The following CCSER1 variants were observed in gnomAD, a reference collection of about 807,000 sequenced individuals.
The protein encoded by CCSER1 is serine-rich coiled-coil domain-containing protein 1.
Under a neutral mutation model 82.0 loss-of-function variants are expected in CCSER1, and 41 were observed. That is an observed-to-expected ratio of 0.50 (90% CI 0.39 to 0.65). CCSER1 has a LOEUF of 0.65. Among genes scored for constraint, CCSER1 ranks in the 30% least tolerant of loss-of-function variants. The pLI is 0.00. For synonymous variants in CCSER1, 414 were observed against 383.9 expected, an observed-to-expected ratio of 1.08 and a Z score of -0.92; for missense variants, 1,119 against 1,064.2, an observed-to-expected ratio of 1.05 and a Z score of -0.72.
chr4:90,310,660 G>A (rs1017456064), intron 2 of CCSER1, among the ~76,000 whole-genome samples: 1 of 152,050 alleles, frequency 6.6e-6, no homozygotes, highest in Non-Finnish European at 1.5e-5. Flanking sequence ...TGTGAAAACA[G>A]GCTAAAGAAT....
chr4:90,657,418 G>C (rs1729896893), intron 6 of CCSER1, among the ~76,000 whole-genome samples: 1 of 152,030 alleles, frequency 6.6e-6, no homozygotes, highest in Non-Finnish European at 1.5e-5. Flanking sequence ...ATTTACATCT[G>C]TGGCTAGTTT....
At chr4:91,162,299 T>C (rs1041841937) in intron 10 of CCSER1, among the ~76,000 whole-genome samples, 1 of 152,250 alleles carries the variant, frequency 6.6e-6, no homozygotes, top group Admixed American at 6.5e-5. Context: ...TAGTGGTGGA[T>C]AAGCTTTTAG....
intron 1 of CCSER1, among the ~76,000 whole-genome samples, chr4:90,240,130 G>A (rs1041293146): frequency 6.6e-6 from 1 of 152,106 alleles, no homozygotes. Flanking sequence ...ATCCAGAGAT[G>A]GCCCATAGTC....
chr4:90,916,471 C>T (rs1218262258), intron 8 of CCSER1, among the ~76,000 whole-genome samples: 2 of 152,036 alleles, frequency 1.3e-5, no homozygotes, highest in Admixed American at 1.3e-4. Context: ...ATGGAGAAAG[C>T]TGAAACTGGA....
At chr4:90,974,375 AACATT>A (rs1735407646) in intron 9 of CCSER1, among the ~76,000 whole-genome samples, 1 of 149,598 alleles carries the variant, frequency 6.7e-6, no homozygotes, top group Admixed American at 6.7e-5. Context: ...CATATCTCAA[AACATT>A]ACATTATAAA....
At chr4:91,044,021 T>A (rs988274560) in intron 9 of CCSER1, among the ~76,000 whole-genome samples, 1 of 152,180 alleles carries the variant, frequency 6.6e-6, no homozygotes, top group Non-Finnish European at 1.5e-5. Context: ...AAAGACTTTA[T>A]ACATACAAAG....
intron 10 of CCSER1, among the ~76,000 whole-genome samples, chr4:91,141,471 T>C (rs1729023505): frequency 6.6e-6 from 1 of 152,170 alleles, no homozygotes; most frequent in Non-Finnish European, 1.5e-5. Context: ...TCTTTTTTTA[T>C]GATGGTGTAG....
chr4:90,129,702 G>A (rs551405887), intron 1 of CCSER1, among the ~76,000 whole-genome samples: 1 of 152,268 alleles, frequency 6.6e-6, no homozygotes, highest in East Asian at 1.9e-4. Flanking sequence ...ACTGTTGTTT[G>A]TATTGTTTTA....
intron 1 of CCSER1, among the ~76,000 whole-genome samples, chr4:90,259,179 A>G (rs570728784): frequency 6.6e-6 from 1 of 152,144 alleles, no homozygotes; most frequent in South Asian, 2.1e-4. Flanking sequence ...GTTTTCCTTT[A>G]TAGTTTTCAC....
rs191827064 is a variant in CCSER1 at position 90,388,968 on chromosome 4, A to G, written c.1510-11068A>G. 1.8e-4 allele frequency among the ~76,000 whole-genome samples: 27 copies of G among 152,332 alleles called. No homozygotes were observed. In the East Asian group the frequency reaches 5.2e-3, roughly 29 times the overall value. The stretch of plus-strand genomic sequence containing the variant: ...AAATATTAACTTATAAATTAGTAAG[A>G]TGTTTATCTCATAGTATTGTATATT... On this transcript the variant is annotated intron_variant, in intron 3 of 10. Transcript: ENST00000509176.
chr4:91,570,626 G>T (rs1415773273), intron 10 of CCSER1, among the ~76,000 whole-genome samples: 1 of 152,160 alleles, frequency 6.6e-6, no homozygotes, highest in Non-Finnish European at 1.5e-5. Context: ...CAAGGCTGAA[G>T]CTGAAGCAGC....
chr4:90,724,191 C>T (rs1743225074), intron 7 of CCSER1, among the ~76,000 whole-genome samples, 200 bp downstream of exon 7: 1 of 151,828 alleles, frequency 6.6e-6, no homozygotes, highest in Non-Finnish European at 1.5e-5. Flanking sequence ...ATAATTAATA[C>T]TTTATGGGAC....
chr4:90,943,504 A>AT (rs1731836913), intron 9 of CCSER1, among the ~76,000 whole-genome samples: 1 of 152,090 alleles, frequency 6.6e-6, no homozygotes, highest in African/African-American at 2.4e-5. Context: ...ACATGAGTAA[A>AT]ACTTTACGCA....
At chr4:90,221,541 G>A (rs1209003469) in intron 1 of CCSER1, among the ~76,000 whole-genome samples, 3 of 152,002 alleles carry the variant, frequency 2.0e-5, no homozygotes, top group South Asian at 2.1e-4. Context: ...AAACGTCTTC[G>A]CTTGTCATTT....
intron 4 of CCSER1, among the ~76,000 whole-genome samples, chr4:90,413,021 T>G (rs906297232): frequency 3.3e-5 from 5 of 152,144 alleles, no homozygotes; most frequent in African/African-American, 1.2e-4. Context: ...TGTCACTGTT[T>G]GCTGAAGACA....
intron 6 of CCSER1, among the ~76,000 whole-genome samples, chr4:90,656,055 A>G (rs1349328368): frequency 6.6e-6 from 1 of 151,794 alleles, no homozygotes; most frequent in Non-Finnish European, 1.5e-5. Context: ...TGTTTTGATC[A>G]CCTCTTCACT....
chr4:91,043,180 T>C (rs1016590943), intron 9 of CCSER1, among the ~76,000 whole-genome samples: 1 of 152,116 alleles, frequency 6.6e-6, no homozygotes, highest in Non-Finnish European at 1.5e-5. Flanking sequence ...AACTTTTAGT[T>C]AGTATTTATC....
intron 8 of CCSER1, among the ~76,000 whole-genome samples, chr4:90,865,387 T>C (rs1353516235): frequency 6.6e-6 from 1 of 152,028 alleles, no homozygotes; most frequent in Non-Finnish European, 1.5e-5. Context: ...GGTGACCTTT[T>C]GAGCAATGAA....
intron 6 of CCSER1, among the ~76,000 whole-genome samples, chr4:90,660,902 T>C (rs1730643010): frequency 6.6e-6 from 1 of 152,158 alleles, no homozygotes; most frequent in African/African-American, 2.4e-5. Flanking sequence ...AATAATTGCC[T>C]TGCAATTTTG....
Sources: allele counts gnomAD v4.1 joint callset (sites outside exome capture counted in the v4.1 genomes callset), GRCh38; gene constraint gnomAD v4.1.1; transcripts MANE v1.5; gene names NCBI Gene and HGNC (gene_info 2026-07-23, HGNC 2026-07-21).